KLHL2: variants seen among roughly 807,000 people sequenced by gnomAD.
The protein encoded by KLHL2 is kelch like family member 2.
Under a neutral mutation model 75.8 loss-of-function variants are expected in KLHL2, and 15 were observed. The ratio of observed to expected loss-of-function variants is 0.20; its 90% CI spans 0.13 to 0.30. The LOEUF (loss-of-function observed/expected upper bound fraction) is 0.30. Among genes scored for constraint, KLHL2 ranks in the 10% least tolerant of loss-of-function variants. The pLI, the probability that KLHL2 is intolerant of heterozygous loss-of-function variation, is 1.00. For synonymous variants in KLHL2, 214 were observed against 251.9 expected (o/e 0.85, Z 1.42); for missense variants, 381 against 741.0 (o/e 0.51, Z 5.64).
chr4:165,244,630 AAAACAAACAAAC>A (rs372742091), intron 4 of KLHL2, among the ~76,000 whole-genome samples: 3 of 151,558 alleles, frequency 2.0e-5, no homozygotes, highest in African/African-American at 4.9e-5. Context: ...TGGTGCTACA[AAAACAAACAAAC>A]AAACAAACAA....
chr4:165,238,744 G>T, intron 3 of KLHL2, 34 bp from the exon 4 acceptor site: 2 of 1,612,034 alleles, frequency 1.2e-6, no homozygotes, highest in Non-Finnish European at 1.7e-6. Context: ...GCAGTGTCTT[G>T]CTGTAACATC....
chr4:165,231,768 G>A (rs928988725), intron 3 of KLHL2, among the ~76,000 whole-genome samples: 1 of 152,130 alleles, frequency 6.6e-6, no homozygotes, highest in Non-Finnish European at 1.5e-5. Flanking sequence ...TCTCTTGGGA[G>A]TAGATATCTA....
At chr4:165,249,347 G>A (rs1433671569) in intron 4 of KLHL2, among the ~76,000 whole-genome samples, 4 of 152,158 alleles carry the variant, frequency 2.6e-5, no homozygotes, top group African/African-American at 7.2e-5. Flanking sequence ...GGTAACAGGT[G>A]TTTCTAGGGA....
At chr4:165,320,404 G>A (rs1238867659) in intron 14 of KLHL2, among the ~76,000 whole-genome samples, 1 of 152,158 alleles carries the variant, frequency 6.6e-6, no homozygotes, top group Non-Finnish European at 1.5e-5. Flanking sequence ...TCAGGTTCAG[G>A]AAGTACCATG....
intron 5 of KLHL2, among the ~76,000 whole-genome samples, chr4:165,290,474 T>G (rs929058299): frequency 6.6e-6 from 1 of 152,222 alleles, no homozygotes. Flanking sequence ...TGTTTTTTGT[T>G]TGTTTGTTTG....
intron 8 of KLHL2, among the ~76,000 whole-genome samples, chr4:165,305,285 C>T (rs1162696605): frequency 1.3e-5 from 2 of 152,134 alleles, no homozygotes; most frequent in Non-Finnish European, 2.9e-5. Context: ...ATAGCAAGCC[C>T]TATGACATAC....
intron 14 of KLHL2, among the ~76,000 whole-genome samples, chr4:165,320,789 G>A (rs1458143070): frequency 6.6e-6 from 1 of 152,248 alleles, no homozygotes; most frequent in African/African-American, 2.4e-5. Context: ...GACAGAGCCA[G>A]TCAAAGAAAT....
chr4:165,313,950 G>A lies in KLHL2; in HGVS notation c.1469-76G>A. ...ATAACTTCGAAAGTTTTAGTTACAA[G>A]TCATTTAAATAAACCTAATATGATA... On this transcript the variant is annotated intron_variant, in intron 12 of 14. Coordinates refer to ENST00000226725, the MANE Select transcript of KLHL2 (RefSeq NM_007246.4). 2.1e-6 allele frequency: 3 copies of A among 1,410,688 alleles called. No individual in the cohort carries two copies. In the Admixed American group the frequency reaches 7.2e-5, roughly 34 times the overall value. 87.4% of individuals were successfully genotyped at this position (1,410,688 alleles called of 1,614,324 possible). A position where few individuals can be genotyped will look rare whatever the true frequency, so the allele number is the denominator to read the frequency against.
chr4:165,289,829 T>G (rs1744374911), intron 5 of KLHL2, among the ~76,000 whole-genome samples: 1 of 152,214 alleles, frequency 6.6e-6, no homozygotes, highest in Admixed American at 6.5e-5. Flanking sequence ...GGAAAAGTTC[T>G]CTCAGTTATG....
Position 165,317,961 on chromosome 4 carries a change from G to A in KLHL2, c.1745G>A (p.Ser582Asn). 1 of 1,613,716 alleles carries A rather than the reference G, an allele frequency of 6.2e-7. No homozygotes were observed. Among genetic ancestry groups the A allele is most frequent in the Non-Finnish European group, 8.5e-7 (1 of 1,179,840 alleles). ...VVSSCMSTGR[S>N]YAGVTVIDKP... Reference sequence around the variant, plus strand: ...TCATCGTGTATGAGCACAGGGAGAAGTTATGCAGGTAACAGTTGTCTCTAA... The same window carrying A: ...TCATCGTGTATGAGCACAGGGAGAAATTATGCAGGTAACAGTTGTCTCTAA... The change falls in exon 14 of 15, where the codon AGT (serine) becomes AAT (asparagine). Residue 582 changes from serine (S) to asparagine (N), a missense_variant. Ser to Asn is a conservative substitution (Grantham distance 46, BLOSUM62 1). Coordinates refer to ENST00000226725, the MANE Select transcript of KLHL2 (RefSeq NM_007246.4).
At chr4:165,287,581 A>G (rs57692509) in intron 5 of KLHL2, among the ~76,000 whole-genome samples, 11,423 of 148,604 alleles carry the variant, frequency 0.077, 510 homozygotes, top group Middle Eastern at 0.14. Flanking sequence ...GCTTTTTTTT[A>G]TAATAGTTGC....
intron 4 of KLHL2, among the ~76,000 whole-genome samples, chr4:165,246,124 T>G (rs1397368038): frequency 6.6e-6 from 1 of 151,900 alleles, no homozygotes; most frequent in Non-Finnish European, 1.5e-5. Flanking sequence ...AGCAGAGACT[T>G]GAATGAAGAG....
intron 3 of KLHL2, among the ~76,000 whole-genome samples, chr4:165,229,624 GTT>G (rs927819700): frequency 6.6e-6 from 1 of 152,208 alleles, no homozygotes; most frequent in African/African-American, 2.4e-5. Context: ...TGGTGCTACT[GTT>G]TTACTAGATA....
At chr4:165,227,418 A>T (rs999486292) in intron 2 of KLHL2, among the ~76,000 whole-genome samples, 1 of 152,216 alleles carries the variant, frequency 6.6e-6, no homozygotes, top group African/African-American at 2.4e-5. Flanking sequence ...GTTTGCAAGC[A>T]GTATGGACAG....
intron 4 of KLHL2, among the ~76,000 whole-genome samples, chr4:165,250,195 C>G (rs1740592941): frequency 6.6e-6 from 1 of 152,110 alleles, no homozygotes; most frequent in African/African-American, 2.4e-5. Flanking sequence ...AGCTTTGTTA[C>G]AGTCATATTC....
intron 10 of KLHL2, among the ~76,000 whole-genome samples, chr4:165,310,957 C>T (rs1373107988): frequency 6.6e-6 from 1 of 151,084 alleles, no homozygotes; most frequent in Non-Finnish European, 1.5e-5. Flanking sequence ...CGGGTTCATG[C>T]CATTCTCCTG....
At chr4:165,252,933 C>T (rs894898623) in intron 4 of KLHL2, among the ~76,000 whole-genome samples, 2 of 152,206 alleles carry the variant, frequency 1.3e-5, no homozygotes, top group Non-Finnish European at 2.9e-5. Flanking sequence ...TCCATGACTT[C>T]CCTTGGGTAC....
intron 3 of KLHL2, among the ~76,000 whole-genome samples, chr4:165,232,368 A>C (rs766668858): frequency 1.3e-5 from 2 of 151,264 alleles, no homozygotes; most frequent in Non-Finnish European, 2.9e-5. Context: ...TGGAACTTGC[A>C]GTGAGCCGAG....
Position 165,231,060 on chromosome 4 carries a change from G to A in KLHL2, c.259+2147G>A, listed in dbSNP as rs543541764. Among the ~76,000 whole-genome samples the A allele has an allele frequency of 2.6e-3, 398 of 152,280 alleles. 3 individuals are homozygous for A. The highest frequency in any genetic ancestry group is 8.6e-3 in the African/African-American group (357 of 41,562). On this transcript the variant is annotated intron_variant, in intron 3 of 14. Transcript: ENST00000226725. ...TATGCGCTAAAGTACTTGAAAATAG[G>A]AATACTATGTTAATTTCTGGCACAT...
Sources: gnomAD v4.1 joint callset for allele counts (sites outside exome capture counted in the v4.1 genomes callset) on GRCh38, gnomAD v4.1.1 for gene constraint, MANE v1.5 for transcripts, NCBI Gene and HGNC (gene_info 2026-07-23, HGNC 2026-07-21) for gene names.